Variants in RPRD2 observed in about 807,000 individuals in gnomAD.
RPRD2 encodes the protein regulation of nuclear pre-mRNA domain containing 2, also known as regulation of nuclear pre-mRNA domain-containing protein 2.
A neutral mutation model predicts 104.4 loss-of-function variants in RPRD2; 12 were observed. That is an observed-to-expected ratio of 0.11 (90% CI 0.07 to 0.19). The LOEUF is 0.19. Ranked by LOEUF, RPRD2 falls within the 10% of genes least tolerant of loss-of-function variation. The pLI is 1.00. For synonymous variants in RPRD2, 714 were observed against 684.9 expected, an observed-to-expected ratio of 1.04 and a Z score of -0.66; for missense variants, 1,543 against 1,790.1, an observed-to-expected ratio of 0.86 and a Z score of 2.49.
rs373780941 is a variant in RPRD2, at chr1:150,416,470, T to G, written c.206-1126T>G. Among the ~76,000 whole-genome samples the G allele has an allele frequency of 3.9e-5, 6 of 152,048 alleles. No homozygotes were observed. In the East Asian group the frequency reaches 5.8e-4, roughly 15 times the overall value. Reference sequence around the variant, plus strand: ...CTGAGAGACAAGAAAACATGGTAGATCATCCATATAGACATTGAAATTACC... The same window carrying G: ...CTGAGAGACAAGAAAACATGGTAGAGCATCCATATAGACATTGAAATTACC... On this transcript the variant is annotated intron_variant, in intron 1 of 10. Coordinates refer to ENST00000369068, the MANE Select transcript of RPRD2 (RefSeq NM_015203.5).
Position 150,446,277 on chromosome 1 carries a change from A to T in RPRD2, c.746A>T (p.Lys249Met), listed in dbSNP as rs781932443. The T allele has an allele frequency of 6.2e-7, 1 of 1,608,530 alleles. No homozygotes were observed. The highest frequency in any genetic ancestry group is 1.3e-5 in the African/African-American group (1 of 74,754). ...FSKEFEEASSKLEEFVNGLDK... is the reference protein window; with the variant it reads ...FSKEFEEASSMLEEFVNGLDK... ...AAAGAATTTGAAGAGGCAAGCTCCA[A>T]GCTGGAAGAATTTGTGAATGGATTA... The change falls in exon 7 of 11, where the codon AAG becomes ATG. Residue 249 changes from lysine (K) to methionine (M), a missense_variant. Transcript: ENST00000369068.
intron 9 of RPRD2, among the ~76,000 whole-genome samples, chr1:150,461,589 C>G (rs182522001): frequency 6.6e-6 from 1 of 151,878 alleles, no homozygotes; most frequent in African/African-American, 2.4e-5. Flanking sequence ...TGGTGGCTCA[C>G]GCCACCACTT....
chr1:150,407,970 A>G (rs587689799), intron 1 of RPRD2, among the ~76,000 whole-genome samples: 42 of 152,034 alleles, frequency 2.8e-4, no homozygotes, highest in Non-Finnish European at 5.3e-4. Context: ...GTATAGTAGC[A>G]CAACTATGGC....
In RPRD2 at chr1:150,451,100, C is replaced by T. The variant is rs371143951; in HGVS notation, c.870+4699C>T. Among the ~76,000 whole-genome samples the T allele has an allele frequency of 7.9e-5, 12 of 152,236 alleles. No homozygotes were observed. In the South Asian group the frequency reaches 1.0e-3, roughly 13 times the overall value. On this transcript the variant is annotated intron_variant, in intron 7 of 10. Transcript: ENST00000369068. ...GTTTCTTAGCTTTCTCCTTGATTTT[C>T]GTGACCTAAATATGTTTGAAGATTA...
chr1:150,437,150 A>AC (rs1481539452), intron 2 of RPRD2, among the ~76,000 whole-genome samples: 1 of 152,132 alleles, frequency 6.6e-6, no homozygotes, highest in African/African-American at 2.4e-5. Flanking sequence ...GAAAGGATTC[A>AC]CCATTCTAGA....
At chr1:150,410,833 G>A (rs1553887496) in intron 1 of RPRD2, among the ~76,000 whole-genome samples, 1 of 152,174 alleles carries the variant, frequency 6.6e-6, no homozygotes, top group Non-Finnish European at 1.5e-5. Flanking sequence ...AGAGGTTGCA[G>A]AGTTCAAGAT....
chr1:150,405,857 G>A (rs1449616842), intron 1 of RPRD2, among the ~76,000 whole-genome samples: 2 of 152,096 alleles, frequency 1.3e-5, no homozygotes, highest in African/African-American at 4.8e-5. Flanking sequence ...ACCCATTAGT[G>A]CCCCTGTTAT....
intron 1 of RPRD2, among the ~76,000 whole-genome samples, chr1:150,373,533 CTTTTTTTT>C: frequency 1.0e-5 from 1 of 97,418 alleles, no homozygotes; most frequent in Non-Finnish European, 2.0e-5. Context: ...TCAAGAATGA[CTTTTTTTT>C]TTTTTTTTTT....
chr1:150,379,836 A>G (rs1256241975), intron 1 of RPRD2, among the ~76,000 whole-genome samples: 2 of 152,236 alleles, frequency 1.3e-5, no homozygotes, highest in Non-Finnish European at 2.9e-5. Flanking sequence ...GCACCCGGCC[A>G]GGTTTAATTT....
At chr1:150,397,814 T>C (rs1313477540) in intron 1 of RPRD2, among the ~76,000 whole-genome samples, 1 of 152,038 alleles carries the variant, frequency 6.6e-6, no homozygotes, top group Non-Finnish European at 1.5e-5. Context: ...TGGCGCCATC[T>C]CCGCTCACTG....
At position 150,446,319 on chromosome 1, in the gene RPRD2, A is replaced by C. The variant is rs782003599; in HGVS notation, c.788A>C (p.Asn263Thr). 3.0e-5 allele frequency: 49 copies of C among 1,612,966 alleles called. No homozygotes were observed. Among genetic ancestry groups the C allele is most frequent in the Non-Finnish European group, 3.7e-5 (44 of 1,179,682 alleles). The part of the protein sequence containing the change: ...FVNGLDKQVK[N>T]GPSLTEALEN... ...AATGGATTAGATAAGCAGGTGAAAAACGGACCCTCATTAACAGAAGCACTG... is the reference window on the plus strand; with the variant it reads ...AATGGATTAGATAAGCAGGTGAAAACCGGACCCTCATTAACAGAAGCACTG... Residue 263 changes from asparagine to threonine, a missense_variant, in exon 7 of 11, where the codon AAC (asparagine) becomes ACC (threonine). By Grantham distance (65) the Asn-to-Thr change is moderately conservative (BLOSUM62 0). Around this residue, in one of 4 missense-constraint regions of RPRD2, gnomAD observed 572 missense variants for 787.3 expected, o/e 0.73. Coordinates refer to ENST00000369068, the MANE Select transcript of RPRD2 (RefSeq NM_015203.5).
chr1:150,393,454 CA>C (rs1203478537), intron 1 of RPRD2, among the ~76,000 whole-genome samples: 1,152 of 59,564 alleles, frequency 0.019, 4 homozygotes, highest in African/African-American at 0.046. Context: ...GACCCTGTCT[CA>C]AAAAAAAAAA....
intron 1 of RPRD2, among the ~76,000 whole-genome samples, chr1:150,406,298 A>G (rs1345058120): frequency 6.6e-6 from 1 of 152,208 alleles, no homozygotes; most frequent in Non-Finnish European, 1.5e-5. Context: ...GTCTTAGAAC[A>G]TATACCCCCA....
In RPRD2 at chr1:150,464,523, C is replaced by T. The variant is rs781827918; in HGVS notation, c.1412-4C>T. 7 of 1,591,474 alleles carry T rather than the reference C, an allele frequency of 4.4e-6. No homozygotes were observed. In the Admixed American group the frequency reaches 1.2e-4, roughly 28 times the overall value. Reference sequence around the variant, plus strand: ...TTTTCTTGAGTTCATCTTTCTGCCACCAGGGGTCAGTCCTGCATCAAGACC... The same window carrying T: ...TTTTCTTGAGTTCATCTTTCTGCCATCAGGGGTCAGTCCTGCATCAAGACC... On this transcript the variant is annotated splice_region_variant and splice_polypyrimidine_tract_variant and intron_variant, in intron 9 of 10. Coordinates refer to ENST00000369068, the MANE Select transcript of RPRD2 (RefSeq NM_015203.5).
intron 2 of RPRD2, among the ~76,000 whole-genome samples, chr1:150,430,886 C>T (rs1463226993): frequency 5.9e-5 from 9 of 151,336 alleles, no homozygotes; most frequent in South Asian, 2.1e-4. Flanking sequence ...GAGATCGCGC[C>T]GTTGCACTCC....
intron 1 of RPRD2, among the ~76,000 whole-genome samples, chr1:150,398,263 C>G (rs782572289): frequency 8.6e-5 from 13 of 151,752 alleles, no homozygotes; most frequent in Non-Finnish European, 1.9e-4. Context: ...GTGGCGCGAT[C>G]TCGGCTCACT....
chr1:150,464,535 C>A lies in RPRD2; in HGVS notation c.1420C>A (p.Pro474Thr). ...CATCTTTCTGCCACCAGGGGTCAGT[C>A]CTGCATCAAGACCTTCTCCAGGAAC... ...TSVMKNTGVS[P>T]ASRPSPGTPT... The change falls in exon 10 of 11, where the codon CCT becomes ACT. Residue 474 changes from proline to threonine, a missense_variant. By Grantham distance (38) the Pro-to-Thr change is conservative (BLOSUM62 -1). Around this residue, in one of 4 missense-constraint regions of RPRD2, gnomAD observed 572 missense variants for 787.3 expected, o/e 0.73. Transcript: ENST00000369068. 6.3e-7 allele frequency: 1 copy of A among 1,598,602 alleles called. No homozygotes were observed. The highest frequency in any genetic ancestry group is 8.5e-7 in the Non-Finnish European group (1 of 1,172,602).
At chr1:150,456,905 A>G (rs1292801695) in intron 7 of RPRD2, among the ~76,000 whole-genome samples, 1 of 148,690 alleles carries the variant, frequency 6.7e-6, no homozygotes, top group Non-Finnish European at 1.5e-5. Context: ...AGCCTGGGCA[A>G]CAAGAGCGAA....
intron 1 of RPRD2, among the ~76,000 whole-genome samples, chr1:150,392,202 G>A (rs1311241911): frequency 6.6e-6 from 1 of 151,534 alleles, no homozygotes; most frequent in African/African-American, 2.4e-5. Flanking sequence ...AAAAAGAAAA[G>A]AGAGAAGAAT....
Sources: allele counts gnomAD v4.1 joint callset (sites outside exome capture counted in the v4.1 genomes callset), GRCh38; gene constraint gnomAD v4.1.1; regional missense constraint gnomAD v4.1.1; transcripts MANE v1.5; gene names NCBI Gene and HGNC (gene_info 2026-07-23, HGNC 2026-07-21).